The following MYO1H variants were observed in gnomAD, a reference collection of about 807,000 sequenced individuals.
MYO1H encodes the protein unconventional myosin-Ih.
MYO1H carries 118 observed loss-of-function variants against 149.3 expected under a neutral mutation model. The ratio of observed to expected loss-of-function variants is 0.79; its 90% CI spans 0.68 to 0.92. MYO1H has a LOEUF of 0.92. Ranked by LOEUF, MYO1H falls within the 40% of genes least tolerant of loss-of-function variation. The pLI is 0.00. For synonymous variants in MYO1H, 447 were observed against 465.2 expected, an observed-to-expected ratio of 0.96 and a Z score of 0.50; for missense variants, 1,212 against 1,280.7, an observed-to-expected ratio of 0.95 and a Z score of 0.82.
intron 1 of MYO1H, among the ~76,000 whole-genome samples, chr12:109,388,108 A>G (rs796563622): frequency 1.9e-4 from 29 of 152,350 alleles, no homozygotes; most frequent in African/African-American, 6.7e-4. Flanking sequence ...TTTCTGGCCC[A>G]AACTCCTCAC....
the MYO1H span, among the ~76,000 whole-genome samples, chr12:109,334,067 A>AGTACAGTG: frequency 2.0e-5 from 3 of 151,870 alleles, no homozygotes; most frequent in South Asian, 2.1e-4. Flanking sequence ...CCCAGGCCGG[A>AGTACAGTG]GTACAGTGAT....
At chr12:109,311,204 A>G in the MYO1H span, among the ~76,000 whole-genome samples, 1 of 152,232 alleles carries the variant, frequency 6.6e-6, no homozygotes, top group Non-Finnish European at 1.5e-5. Flanking sequence ...AAAGGCATCC[A>G]GTCTGTGAGT....
At chr12:109,441,806 G>A in intron 26 of MYO1H, 98 bp downstream of exon 26, 1 of 791,464 alleles carries the variant, frequency 1.3e-6, no homozygotes, top group Non-Finnish European at 2.0e-6. Context: ...CAGCACTTTG[G>A]GAGGCCGAGG....
At chr12:109,374,252 G>C (rs1869047105) in intron 1 of MYO1H, among the ~76,000 whole-genome samples, 1 of 152,144 alleles carries the variant, frequency 6.6e-6, no homozygotes, top group Non-Finnish European at 1.5e-5. Flanking sequence ...GTGTTAAAAA[G>C]AATATGGATT....
the MYO1H span, among the ~76,000 whole-genome samples, chr12:109,340,360 G>GTAA: frequency 1.3e-5 from 2 of 152,004 alleles, no homozygotes; most frequent in Non-Finnish European, 2.9e-5. Context: ...ATAGAGATAG[G>GTAA]GTTTCACCAT....
chr12:109,377,189 G>A (rs1310581479), intron 1 of MYO1H, among the ~76,000 whole-genome samples: 2 of 152,054 alleles, frequency 1.3e-5, no homozygotes, highest in African/African-American at 2.4e-5. Context: ...AGTCCATTTT[G>A]TGTTGCTATA....
chr12:109,314,147 A>G, the MYO1H span, among the ~76,000 whole-genome samples: 1 of 151,400 alleles, frequency 6.6e-6, no homozygotes, highest in Non-Finnish European at 1.5e-5. Flanking sequence ...GACCTCCCAA[A>G]ATGCTGGGAT....
chr12:109,446,487 G>A lies in MYO1H; in HGVS notation c.3094-672G>A, dbSNP rs1009096412. On this transcript the variant is annotated intron_variant, in intron 31 of 31. Transcript: ENST00000310903. ...ACCTATAAAGTCATTTTGCAGGCCC[G>A]GCGCGGTGGCTCACGCCTATAATCC... 22 of 985,032 alleles carry A rather than the reference G, an allele frequency of 2.2e-5. No homozygotes were observed. The East Asian group carries it at 3.4e-4, about 15-fold the overall frequency. 61.0% of individuals were successfully genotyped at this position (985,032 alleles called of 1,614,324 possible).
intron 15 of MYO1H, among the ~76,000 whole-genome samples, chr12:109,417,511 T>C (rs548587458): frequency 5.9e-5 from 9 of 152,000 alleles, no homozygotes; most frequent in African/African-American, 2.2e-4. Flanking sequence ...GCATTTTTAG[T>C]AGAGACGGGG....
intron 28 of MYO1H, 69 bp downstream of exon 28, chr12:109,443,718 G>C: frequency 2.5e-6 from 4 of 1,570,948 alleles, no homozygotes; most frequent in Non-Finnish European, 3.5e-6. Flanking sequence ...CAGTAATGAA[G>C]CTCCCAAATG....
intron 23 of MYO1H, among the ~76,000 whole-genome samples, chr12:109,439,301 A>T (rs1352768270): frequency 6.6e-6 from 1 of 152,098 alleles, no homozygotes; most frequent in Non-Finnish European, 1.5e-5. Flanking sequence ...CTAGTCTCGA[A>T]TTCTTGACCT....
At chr12:109,393,405 A>C in exon 3 of MYO1H, 1 of 1,588,734 alleles carries the variant, frequency 6.3e-7, no homozygotes, top group Non-Finnish European at 8.6e-7. Flanking sequence ...GCCAGATGGA[A>C]CTTTATCAAG....
intron 15 of MYO1H, among the ~76,000 whole-genome samples, chr12:109,416,078 G>T (rs543523434): frequency 1.7e-4 from 26 of 152,136 alleles, no homozygotes; most frequent in African/African-American, 6.0e-4. Context: ...AAGTAACTGG[G>T]ATTACAGGTG....
exon 4 of MYO1H, chr12:109,396,467 C>A: frequency 6.2e-7 from 1 of 1,613,940 alleles, no homozygotes; most frequent in East Asian, 2.2e-5. Context: ...GAGAGTGGGG[C>A]AGGGAAAACA....
intron 21 of MYO1H, among the ~76,000 whole-genome samples, chr12:109,435,383 G>A (rs954463904): frequency 1.3e-5 from 2 of 152,182 alleles, no homozygotes; most frequent in African/African-American, 4.8e-5. Flanking sequence ...CTACTAGGGT[G>A]TAAAACCGTG....
chr12:109,402,058 C>T (rs1275386230), intron 6 of MYO1H, among the ~76,000 whole-genome samples: 5 of 152,090 alleles, frequency 3.3e-5, no homozygotes, highest in African/African-American at 7.2e-5. Context: ...GATCTTTTCC[C>T]GCATTCCTGC....
chr12:109,318,785 G>A, the MYO1H span, among the ~76,000 whole-genome samples: 2 of 152,110 alleles, frequency 1.3e-5, no homozygotes, highest in Admixed American at 6.6e-5. Context: ...GGATCCTGCA[G>A]CAGGAAGAGA....
chr12:109,333,141 G>A, the MYO1H span, among the ~76,000 whole-genome samples: 2 of 152,122 alleles, frequency 1.3e-5, no homozygotes, highest in East Asian at 1.9e-4. Context: ...CCAACATGGT[G>A]AAACCCCGTT....
At chr12:109,442,241 T>C (rs1430242766) in exon 27 of MYO1H, 1 of 1,613,806 alleles carries the variant, frequency 6.2e-7, no homozygotes, top group Non-Finnish European at 8.5e-7. Flanking sequence ...AATCCGAAAG[T>C]GCTTCAGCTA....
Sources: allele counts gnomAD v4.1 joint callset (sites outside exome capture counted in the v4.1 genomes callset), GRCh38; gene constraint gnomAD v4.1.1; transcripts MANE v1.5; gene names NCBI Gene and HGNC (gene_info 2026-07-23, HGNC 2026-07-21).